Variants in DPYD observed in about 807,000 individuals in gnomAD.
DPYD encodes dihydropyrimidine dehydrogenase, also known as dihydropyrimidine dehydrogenase [NADP(+)].
In DPYD, 109 loss-of-function variants were observed where a neutral mutation model predicts 116.2. The observed-to-expected ratio is 0.94, with a 90% CI of 0.80 to 1.10. The LOEUF (loss-of-function observed/expected upper bound fraction) is 1.10, where lower values mean the gene tolerates loss of function less well. Ranked by LOEUF, DPYD falls within the 50% of genes least tolerant of loss-of-function variation. DPYD has a pLI of 0.00. For missense variants in DPYD, 1,302 were observed against 1,254.5 expected, an observed-to-expected ratio of 1.04 and a Z score of -0.57; for synonymous variants, 440 against 432.0, an observed-to-expected ratio of 1.02 and a Z score of -0.23.
intron 2 of DPYD, among the ~76,000 whole-genome samples, chr1:97,842,225 T>C (rs1001371908): frequency 6.6e-5 from 10 of 151,970 alleles, no homozygotes; most frequent in Admixed American, 3.9e-4. Flanking sequence ...AAAGTAACAT[T>C]TTTATCAAAC....
chr1:97,397,380 C>G (rs967799690), intron 14 of DPYD, among the ~76,000 whole-genome samples: 4 of 151,970 alleles, frequency 2.6e-5, no homozygotes, highest in African/African-American at 9.7e-5. Context: ...TCATACAAAT[C>G]CACAGTTTAC....
chr1:97,433,257 T>C (rs1026024632), intron 14 of DPYD, among the ~76,000 whole-genome samples: 1 of 152,160 alleles, frequency 6.6e-6, no homozygotes, highest in Non-Finnish European at 1.5e-5. Context: ...GCCTTGGCTT[T>C]ACATTTGGTT....
intron 11 of DPYD, among the ~76,000 whole-genome samples, chr1:97,559,639 C>T (rs7522200): frequency 1.4e-3 from 210 of 151,546 alleles, no homozygotes; most frequent in African/African-American, 4.7e-3. Context: ...ATCCATCTTA[C>T]GGCTTTTTTT....
chr1:97,512,433 G>T (rs971057318), intron 13 of DPYD, among the ~76,000 whole-genome samples: 4 of 151,754 alleles, frequency 2.6e-5, no homozygotes, highest in African/African-American at 4.8e-5. Flanking sequence ...ACTGTTGCTT[G>T]GGTTTAGATT....
intron 20 of DPYD, among the ~76,000 whole-genome samples, chr1:97,107,242 A>G (rs181642539): frequency 6.6e-6 from 1 of 152,090 alleles, no homozygotes; most frequent in African/African-American, 2.4e-5. Context: ...CCCCTGCTCA[A>G]TCAGATTCTT....
At chr1:97,183,031 G>A (rs559086621) in intron 20 of DPYD, among the ~76,000 whole-genome samples, 1 of 151,986 alleles carries the variant, frequency 6.6e-6, no homozygotes, top group South Asian at 2.1e-4. Flanking sequence ...TGTTAATTGC[G>A]ATGAAGCATA....
At chr1:97,382,783 C>A (rs1672049767) in intron 14 of DPYD, among the ~76,000 whole-genome samples, 1 of 151,980 alleles carries the variant, frequency 6.6e-6, no homozygotes. Flanking sequence ...CTGAAAGTAG[C>A]AATGTAAATA....
chr1:97,252,094 A>ATTTTTTTTTTTTTT (rs1663140323), intron 18 of DPYD, among the ~76,000 whole-genome samples: 1 of 137,048 alleles, frequency 7.3e-6, no homozygotes. Context: ...TCTTTAAGGA[A>ATTTTTTTTTTTTTT]TATTTGGCTC....
intron 18 of DPYD, among the ~76,000 whole-genome samples, chr1:97,250,141 G>C (rs1488215819): frequency 6.6e-6 from 1 of 151,978 alleles, no homozygotes; most frequent in Non-Finnish European, 1.5e-5. Context: ...GTGGTGGTGT[G>C]TGCCTGTAAT....
At chr1:97,662,702 C>T (rs1313009399) in intron 8 of DPYD, among the ~76,000 whole-genome samples, 2 of 151,592 alleles carry the variant, frequency 1.3e-5, no homozygotes, top group Non-Finnish European at 2.9e-5. Flanking sequence ...CTTTTTTTGC[C>T]CTATTATCAT....
At chr1:97,439,791 A>C (rs1377910857) in intron 14 of DPYD, among the ~76,000 whole-genome samples, 1 of 151,862 alleles carries the variant, frequency 6.6e-6, no homozygotes, top group African/African-American at 2.4e-5. Context: ...TAGTTTTTAA[A>C]GGTAAAAATG....
chr1:97,813,298 A>G (rs1668421761), intron 3 of DPYD, among the ~76,000 whole-genome samples: 1 of 152,112 alleles, frequency 6.6e-6, no homozygotes, highest in African/African-American at 2.4e-5. Context: ...TTTCAACCCA[A>G]TTCTTACCTC....
chr1:97,595,154 G>C lies in DPYD; in HGVS notation c.863C>G (p.Pro288Arg). ...GCCTTGGAAGATGGCATCTTTATTG[G>C]GTTCTGGCAAACCTAAGTAATCAAA... is the stretch of plus-strand genomic sequence containing the variant. ...AAFIGIGLPE[P>R]NKDAIFQGLT... The change falls in exon 9 of 23, where the codon CCC becomes CGC. Residue 288 changes from proline (P) to arginine (R), a missense_variant. By Grantham distance (103) the Pro-to-Arg change is moderately radical. Transcript: ENST00000370192. 6.2e-7 allele frequency: 1 copy of C among 1,613,284 alleles called. No homozygotes were observed.
chr1:97,765,611 T>C (rs779811189), intron 3 of DPYD, among the ~76,000 whole-genome samples: 6 of 152,150 alleles, frequency 3.9e-5, no homozygotes, highest in Admixed American at 2.6e-4. Flanking sequence ...CATCAGAAAA[T>C]TGGCTGAGAT....
At chr1:97,418,306 A>AT (rs71311934) in intron 14 of DPYD, among the ~76,000 whole-genome samples, 30,260 of 143,852 alleles carry the variant, frequency 0.21, 3,839 homozygotes, top group Non-Finnish European at 0.29. Flanking sequence ...ATATAAGATG[A>AT]TTTTTTTTTT....
intron 14 of DPYD, among the ~76,000 whole-genome samples, chr1:97,406,379 A>T (rs1673658701): frequency 6.8e-6 from 1 of 146,764 alleles, no homozygotes; most frequent in South Asian, 2.2e-4. Flanking sequence ...TTTTCTTCAG[A>T]CATCAGGAAT....
intron 16 of DPYD, among the ~76,000 whole-genome samples, chr1:97,359,182 C>A (rs1670585552): frequency 6.6e-6 from 1 of 151,808 alleles, no homozygotes; most frequent in Non-Finnish European, 1.5e-5. Flanking sequence ...GCTTCAATAG[C>A]CAATTTGATC....
chr1:97,237,860 C>A (rs188360842), intron 18 of DPYD, among the ~76,000 whole-genome samples: 1 of 152,132 alleles, frequency 6.6e-6, no homozygotes, highest in Non-Finnish European at 1.5e-5. Flanking sequence ...ATTTAGTTGA[C>A]CCAAGAGAGT....
At chr1:97,598,502 T>G (rs183379927) in intron 8 of DPYD, among the ~76,000 whole-genome samples, 1 of 152,132 alleles carries the variant, frequency 6.6e-6, no homozygotes, top group East Asian at 1.9e-4. Flanking sequence ...TTCTTTAGAA[T>G]AGTTATTGAA....
Sources: gnomAD v4.1 joint callset for allele counts (sites outside exome capture counted in the v4.1 genomes callset) on GRCh38, gnomAD v4.1.1 for gene constraint, MANE v1.5 for transcripts, NCBI Gene and HGNC (gene_info 2026-07-23, HGNC 2026-07-21) for gene names.